Variants in PLEKHA2 observed in about 807,000 individuals in gnomAD.
PLEKHA2 encodes pleckstrin homology domain containing A2.
A neutral mutation model predicts 53.2 loss-of-function variants in PLEKHA2; 28 were observed. That is an observed-to-expected ratio of 0.53 (90% CI 0.39 to 0.72). The LOEUF is 0.72. Among genes scored for constraint, PLEKHA2 ranks in the 30% least tolerant of loss-of-function variants. The pLI is 0.00. For synonymous variants in PLEKHA2, 193 were observed against 196.4 expected (o/e 0.98, Z 0.14); for missense variants, 426 against 537.9 (o/e 0.79, Z 2.06).
At chr8:38,914,479 C>T (rs1039214791) in intron 1 of PLEKHA2, among the ~76,000 whole-genome samples, 9 of 152,374 alleles carry the variant, frequency 5.9e-5, no homozygotes, top group Admixed American at 2.0e-4. Flanking sequence ...TCTAGCTCAC[C>T]TGCTGACCCA....
intron 1 of PLEKHA2, among the ~76,000 whole-genome samples, chr8:38,905,527 C>T (rs766345407): frequency 1.7e-4 from 26 of 151,862 alleles, no homozygotes; most frequent in Non-Finnish European, 2.8e-4. Flanking sequence ...TTACCACACC[C>T]AGCCCCTCCT....
At position 38,943,153 on chromosome 8, in the gene PLEKHA2, A is replaced by G. The variant is rs146553901; in HGVS notation, c.199-636A>G. Among the ~76,000 whole-genome samples, 523 of 152,240 alleles carry G rather than the reference A, an allele frequency of 3.4e-3. 6 individuals are homozygous for G. Among genetic ancestry groups the G allele is most frequent in the African/African-American group, 0.012 (494 of 41,528 alleles). ...GAATCTTGCTAGTGTGAATGAGGCCAGGATAGGTTTTCGTCAGGACTTAGT... is the reference window on the plus strand; with the variant it reads ...GAATCTTGCTAGTGTGAATGAGGCCGGGATAGGTTTTCGTCAGGACTTAGT... On this transcript the variant is annotated intron_variant, in intron 3 of 11. Coordinates refer to ENST00000617275, the MANE Select transcript of PLEKHA2 (RefSeq NM_021623.2).
At chr8:38,947,947 C>G (rs1047646513) in intron 5 of PLEKHA2, among the ~76,000 whole-genome samples, 3 of 151,788 alleles carry the variant, frequency 2.0e-5, no homozygotes, top group African/African-American at 7.3e-5. Context: ...ACTAGCTGGG[C>G]ATGTTGGCAT....
rs1228301578 is a variant in PLEKHA2 at position 38,968,654 on chromosome 8, C to G, written c.900C>G (p.Leu300=). 1 of 1,613,872 alleles carries G rather than the reference C, an allele frequency of 6.2e-7. No homozygotes were observed. The highest frequency in any genetic ancestry group is 8.5e-7 in the Non-Finnish European group (1 of 1,179,898). ...AGATTGGCGCAGCTGTCCAGGCCCT[C>G]AAGTGCCACCCCAGAGTAAGTCACT... ...IKEIGAAVQA[L]KCHPRETSFS... Residue 300 remains leucine (L), a synonymous_variant, in exon 11 of 12, where the codon CTC becomes CTG. Transcript: ENST00000617275.
chr8:38,957,248 T>C, intron 9 of PLEKHA2, 75 bp from the exon 10 acceptor site: 1 of 1,203,764 alleles, frequency 8.3e-7, no homozygotes, highest in Non-Finnish European at 1.2e-6. Context: ...TAGAGGGCAC[T>C]GGGGTCTTAG....
intron 3 of PLEKHA2, among the ~76,000 whole-genome samples, chr8:38,938,249 C>G (rs1435889735): frequency 1.3e-5 from 2 of 152,192 alleles, no homozygotes; most frequent in African/African-American, 4.8e-5. Flanking sequence ...TGGATGCCTT[C>G]TCCAGGTAAA....
intron 1 of PLEKHA2, among the ~76,000 whole-genome samples, chr8:38,916,743 T>C (rs1315172755): frequency 1.3e-5 from 2 of 152,384 alleles, no homozygotes; most frequent in South Asian, 2.1e-4. Flanking sequence ...GGAGTGCAGA[T>C]ATACCTCTTC....
chr8:38,948,549 C>T (rs939301867), intron 5 of PLEKHA2, among the ~76,000 whole-genome samples: 4 of 152,146 alleles, frequency 2.6e-5, no homozygotes, highest in Non-Finnish European at 5.9e-5. Context: ...GGGCAGAGGA[C>T]GTCCTTGTCT....
intron 5 of PLEKHA2, among the ~76,000 whole-genome samples, chr8:38,948,751 C>T (rs539340403): frequency 2.6e-5 from 4 of 152,278 alleles, no homozygotes; most frequent in East Asian, 1.9e-4. Flanking sequence ...GCTTTTCTCT[C>T]GAAGTCCCGG....
In PLEKHA2 at chr8:38,972,498, T is replaced by A. The variant is rs1002135495; in HGVS notation, c.*2715T>A. 6.6e-6 allele frequency: 1 copy of A among 152,228 alleles called. No individual in the cohort carries two copies. The highest frequency in any genetic ancestry group is 2.4e-5 in the African/African-American group (1 of 41,462). 9.4% of individuals were successfully genotyped at this position (152,228 alleles called of 1,614,324 possible). On this transcript the variant is annotated 3_prime_UTR_variant, in exon 12 of 12. Transcript: ENST00000617275. Reference sequence around the variant, plus strand: ...CTGCACCTAGCCAGAACATCGTTAATGTAGTTCAATATGAGATAAATTATT... The same window carrying A: ...CTGCACCTAGCCAGAACATCGTTAAAGTAGTTCAATATGAGATAAATTATT...
chr8:38,926,952 C>T lies in PLEKHA2; in HGVS notation c.141+8882C>T, dbSNP rs190160516. Among the ~76,000 whole-genome samples the T allele has an allele frequency of 1.8e-3, 280 of 152,236 alleles. 1 individual carries two copies. The highest frequency in any genetic ancestry group is 2.3e-3 in the Non-Finnish European group (159 of 68,018). On this transcript the variant is annotated intron_variant, in intron 2 of 11. Transcript: ENST00000617275. ...ACCAACCAAACAAACAAACAAAAAACTAAGTAGCACATTGAAAGAATTGTG... is the reference window on the plus strand; with the variant it reads ...ACCAACCAAACAAACAAACAAAAAATTAAGTAGCACATTGAAAGAATTGTG...
chr8:38,904,353 G>T (rs1326701469), intron 1 of PLEKHA2, among the ~76,000 whole-genome samples: 2 of 152,258 alleles, frequency 1.3e-5, no homozygotes, highest in Admixed American at 1.3e-4. Flanking sequence ...CTTTGGCCCT[G>T]TGGTGTGCCT....
rs1564146423 is a variant in PLEKHA2, at chr8:38,952,327, A to G, written c.633+15A>G. 2 of 1,610,490 alleles carry G rather than the reference A, an allele frequency of 1.2e-6. No homozygotes were observed. Among genetic ancestry groups the G allele is most frequent in the Non-Finnish European group, 1.7e-6 (2 of 1,178,356 alleles). On this transcript the variant is annotated intron_variant, in intron 7 of 11. Coordinates refer to ENST00000617275, the MANE Select transcript of PLEKHA2 (RefSeq NM_021623.2). Reference sequence around the variant, plus strand: ...AAGGGAATGTGGTGAGTGTCAGCACAGGGGCTGAATTGGGGTTCTGGTGAC... The same window carrying G: ...AAGGGAATGTGGTGAGTGTCAGCACGGGGGCTGAATTGGGGTTCTGGTGAC...
At chr8:38,954,521 T>C (rs543323887) in intron 9 of PLEKHA2, among the ~76,000 whole-genome samples, 6 of 152,210 alleles carry the variant, frequency 3.9e-5, no homozygotes, top group African/African-American at 1.4e-4. Context: ...CCTTGAACTT[T>C]CTCTAACTCT....
In PLEKHA2 at chr8:38,939,485, C is replaced by T. The variant is rs570681934; in HGVS notation, c.198+3435C>T. 1.6e-4 allele frequency among the ~76,000 whole-genome samples: 25 copies of T among 152,298 alleles called. 1 individual carries two copies. The South Asian group carries it at 3.5e-3, about 21-fold the overall frequency. The stretch of plus-strand genomic sequence containing the variant: ...ATGGTTGTACACGCATGCACTCACA[C>T]GTGCACTCTCACATGCCTCCTGACC... On this transcript the variant is annotated intron_variant, in intron 3 of 11. Transcript: ENST00000617275.
intron 2 of PLEKHA2, among the ~76,000 whole-genome samples, chr8:38,930,790 C>T (rs983530348): frequency 1.3e-5 from 2 of 152,126 alleles, no homozygotes; most frequent in African/African-American, 2.4e-5. Flanking sequence ...TGCTGGCTGG[C>T]GTAGCCTTTT....
In PLEKHA2 at chr8:38,953,322, T is replaced by A. The variant is rs1834881453; in HGVS notation, c.728T>A (p.Phe243Tyr). The A allele has an allele frequency of 5.6e-6, 9 of 1,613,502 alleles. No individual in the cohort carries two copies. Among genetic ancestry groups the A allele is most frequent in the Non-Finnish European group, 7.6e-6 (9 of 1,179,430 alleles). ...EQDREPLRTIFLKDVLKTHEC... is the reference protein window; with the variant it reads ...EQDREPLRTIYLKDVLKTHEC... ...GACCGAGAACCACTGCGCACCATATTTCTTAAGGATGTTCTGAAGACCCAT... is the reference window on the plus strand; with the variant it reads ...GACCGAGAACCACTGCGCACCATATATCTTAAGGATGTTCTGAAGACCCAT... The change falls in exon 9 of 12, where the codon TTT becomes TAT. Residue 243 changes from phenylalanine (F) to tyrosine (Y), a missense_variant. Physicochemically the swap from Phe to Tyr is conservative, Grantham distance 22 (BLOSUM62 3). Transcript: ENST00000617275.
At chr8:38,929,340 T>A (rs1834346514) in intron 2 of PLEKHA2, among the ~76,000 whole-genome samples, 1 of 152,262 alleles carries the variant, frequency 6.6e-6, no homozygotes. Flanking sequence ...CAAGAGCCAG[T>A]TGGACAAGTT....
chr8:38,961,998 A>G (rs1051119536), intron 10 of PLEKHA2, among the ~76,000 whole-genome samples: 2 of 152,250 alleles, frequency 1.3e-5, no homozygotes, highest in Non-Finnish European at 2.9e-5. Context: ...ACTTTGTAGT[A>G]TAAGTACTAT....
Sources: gnomAD v4.1 joint callset for allele counts (sites outside exome capture counted in the v4.1 genomes callset) on GRCh38, gnomAD v4.1.1 for gene constraint, MANE v1.5 for transcripts, NCBI Gene and HGNC (gene_info 2026-07-23, HGNC 2026-07-21) for gene names.